UNC79: variants seen among roughly 807,000 people sequenced by gnomAD.
UNC79 encodes the protein unc-79 subunit of NALCN channel complex, also known as protein unc-79 homolog.
In UNC79, 37 loss-of-function variants were observed where a neutral mutation model predicts 283.1. The ratio of observed to expected loss-of-function variants is 0.13; its 90% confidence interval spans 0.10 to 0.17. UNC79 has a LOEUF of 0.17. Ranked by LOEUF, UNC79 falls within the 10% of genes least tolerant of loss-of-function variation. The pLI, the probability that UNC79 is intolerant of heterozygous loss-of-function variation, is 1.00. For synonymous variants in UNC79, 1,107 were observed against 1,200.2 expected, an observed-to-expected ratio of 0.92 and a Z score of 1.61; for missense variants, 2,272 against 3,211.1, an observed-to-expected ratio of 0.71 and a Z score of 7.07.
rs1229909876 is a variant in UNC79 at position 93,404,513 on chromosome 14, T to TATATATATATATATATATATAA, written c.-350-63157_-350-63156insTATATATATATATATATATAAA. 5.0e-3 allele frequency among the ~76,000 whole-genome samples: 569 copies of TATATATATATATATATATATAA among 112,954 alleles called. 10 individuals are homozygous for TATATATATATATATATATATAA. Among genetic ancestry groups the TATATATATATATATATATATAA allele is most frequent in the Non-Finnish European group, 5.6e-3 (305 of 54,524 alleles). The allele number at this position is 112,954 out of a possible 152,430, so 74.1% of individuals were successfully genotyped here. A position where few individuals can be genotyped will look rare whatever the true frequency, so the allele number is the denominator to read the frequency against. On this transcript the variant is annotated intron_variant, in intron 1 of 49. Transcript: ENST00000256339. ...AAAAAAATATATATATATATATATA[T>TATATATATATATATATATATAA]AAATATATACATATTATATATTATT... is the stretch of plus-strand genomic sequence containing the variant.
intron 35 of UNC79, among the ~76,000 whole-genome samples, chr14:93,649,258 T>C (rs1366302346): frequency 6.6e-6 from 1 of 152,224 alleles, no homozygotes; most frequent in Non-Finnish European, 1.5e-5. Flanking sequence ...GGATGTTTGC[T>C]TTTCTTTCTT....
chr14:93,697,912 ATC>A (rs1386103319), intron 47 of UNC79, among the ~76,000 whole-genome samples: 1 of 152,226 alleles, frequency 6.6e-6, no homozygotes, highest in African/African-American at 2.4e-5. Context: ...GTTTAGCTGC[ATC>A]CAACAATTTG....
At chr14:93,534,995 G>A (rs1041243190) in intron 11 of UNC79, among the ~76,000 whole-genome samples, 3 of 152,112 alleles carry the variant, frequency 2.0e-5, no homozygotes, top group Non-Finnish European at 4.4e-5. Flanking sequence ...TCTTTGTACT[G>A]CATATTCCCT....
intron 38 of UNC79, among the ~76,000 whole-genome samples, chr14:93,658,443 A>C (rs1176901571): frequency 6.6e-6 from 1 of 152,180 alleles, no homozygotes; most frequent in Non-Finnish European, 1.5e-5. Context: ...TATCTTGAGG[A>C]AGTTAATGTA....
chr14:93,460,633 G>T (rs1337378642), intron 1 of UNC79, among the ~76,000 whole-genome samples: 1 of 151,966 alleles, frequency 6.6e-6, no homozygotes, highest in Non-Finnish European at 1.5e-5. Context: ...TCTGAAGGAC[G>T]ATTTCTTAAT....
chr14:93,636,925 T>C (rs1228354283), intron 31 of UNC79, among the ~76,000 whole-genome samples: 7 of 152,198 alleles, frequency 4.6e-5, no homozygotes, highest in East Asian at 1.9e-4. Flanking sequence ...TCTGGAGATA[T>C]GAGATTTGAA....
At chr14:93,669,628 A>G (rs1396239165) in intron 40 of UNC79, among the ~76,000 whole-genome samples, 1 of 152,118 alleles carries the variant, frequency 6.6e-6, no homozygotes, top group Non-Finnish European at 1.5e-5. Flanking sequence ...CAAGCCTTGT[A>G]TGTGTATTAA....
Position 93,565,613 on chromosome 14 carries a change from A to G in UNC79, c.1756-6281A>G, listed in dbSNP as rs540451428. On this transcript the variant is annotated intron_variant, in intron 14 of 48. Coordinates refer to ENST00000555664, the Ensembl canonical transcript of UNC79. The stretch of plus-strand genomic sequence containing the variant: ...TTTTCTACAGCTAGGTTACATCCAC[A>G]GGGACTCAAATATAGAAGTATGGAG... 2.6e-5 allele frequency among the ~76,000 whole-genome samples: 4 copies of G among 152,310 alleles called. No homozygotes were observed. In the South Asian group the frequency reaches 6.2e-4, roughly 24 times the overall value.
At chr14:93,613,519 A>G (rs1282448333) in intron 27 of UNC79, among the ~76,000 whole-genome samples, 1 of 150,376 alleles carries the variant, frequency 6.6e-6, no homozygotes, top group Non-Finnish European at 1.5e-5. Flanking sequence ...GGTTCACGCC[A>G]TTCTCCTGCC....
rs888484587 is a variant in UNC79, at chr14:93,522,075, G to C, written c.899-1903G>C. 2.0e-5 allele frequency among the ~76,000 whole-genome samples: 3 copies of C among 151,812 alleles called. No individual in the cohort carries two copies. In the South Asian group the frequency reaches 6.3e-4, roughly 32 times the overall value. ...CCTGTTCTTAACACAGCAACACTCA[G>C]TAAAAATGGAATGCAAAATTAAAGC... On this transcript the variant is annotated intron_variant, in intron 7 of 48. Transcript: ENST00000555664.
Position 93,580,463 on chromosome 14 carries a change from A to G in UNC79, c.2661+87A>G, listed in dbSNP as rs976810489. On this transcript the variant is annotated intron_variant, in intron 19 of 48. Coordinates refer to ENST00000555664, the Ensembl canonical transcript of UNC79. Reference sequence around the variant, plus strand: ...TGTAATGGAGTCTTCCTCCAGCAGCATCTTATACTCCATGCTGGGTTATAC... The same window carrying G: ...TGTAATGGAGTCTTCCTCCAGCAGCGTCTTATACTCCATGCTGGGTTATAC... 22 of 1,282,050 alleles carry G rather than the reference A, an allele frequency of 1.7e-5. No homozygotes were observed. In the African/African-American group the frequency reaches 3.1e-4, roughly 18 times the overall value. 79.4% of individuals were successfully genotyped at this position (1,282,050 alleles called of 1,614,324 possible). A position where few individuals can be genotyped will look rare whatever the true frequency, so the allele number is the denominator to read the frequency against.
At chr14:93,460,906 G>A (rs924535028) in intron 1 of UNC79, among the ~76,000 whole-genome samples, 4 of 152,120 alleles carry the variant, frequency 2.6e-5, no homozygotes, top group Non-Finnish European at 5.9e-5. Context: ...ATTCTTTGCA[G>A]CATTGAATAG....
chr14:93,484,857 C>A (rs1469935786), intron 4 of UNC79, among the ~76,000 whole-genome samples: 1 of 152,090 alleles, frequency 6.6e-6, no homozygotes, highest in African/African-American at 2.4e-5. Context: ...AGTATTGCAG[C>A]CAGTTTTCTA....
intron 1 of UNC79, among the ~76,000 whole-genome samples, chr14:93,454,297 A>C (rs991826568): frequency 6.6e-6 from 1 of 152,186 alleles, no homozygotes; most frequent in African/African-American, 2.4e-5. Context: ...CACTTGTCTC[A>C]GCCTCCCAAA....
chr14:93,556,832 T>C (rs985155796), intron 14 of UNC79, among the ~76,000 whole-genome samples: 5 of 152,366 alleles, frequency 3.3e-5, no homozygotes, highest in East Asian at 3.9e-4. Context: ...AAAAACTCTT[T>C]TAAATCTTTA....
intron 12 of UNC79, among the ~76,000 whole-genome samples, chr14:93,538,675 A>T (rs113456895): frequency 6.6e-6 from 1 of 152,044 alleles, no homozygotes; most frequent in Non-Finnish European, 1.5e-5. Flanking sequence ...AATTACCTGC[A>T]TAGGAAACAG....
chr14:93,601,706 T>C, intron 25 of UNC79, among the ~76,000 whole-genome samples: 1 of 152,240 alleles, frequency 6.6e-6, no homozygotes, highest in Non-Finnish European at 1.5e-5. Context: ...TTGTACCAAT[T>C]TACACTCCTA....
chr14:93,494,942 C>T (rs2058946784), intron 5 of UNC79, among the ~76,000 whole-genome samples: 1 of 152,168 alleles, frequency 6.6e-6, no homozygotes, highest in South Asian at 2.1e-4. Context: ...ATTATAACCT[C>T]GTATAACTAC....
upstream of UNC79, among the ~76,000 whole-genome samples, chr14:93,426,306 G>A: frequency 6.6e-6 from 1 of 151,706 alleles, no homozygotes; most frequent in Admixed American, 6.6e-5. Flanking sequence ...ATGTGCTTAA[G>A]GCTTGACTTT....
Sources: allele counts gnomAD v4.1 joint callset (sites outside exome capture counted in the v4.1 genomes callset), GRCh38; gene constraint gnomAD v4.1.1; transcripts MANE v1.5; gene names NCBI Gene and HGNC (gene_info 2026-07-23, HGNC 2026-07-21).